KATNBL1: variants seen among roughly 807,000 people sequenced by gnomAD.
The protein encoded by KATNBL1 is katanin regulatory subunit B1 like 1, also known as KATNB1-like protein 1.
KATNBL1 carries 28 observed loss-of-function variants against 44.7 expected under a neutral mutation model. The ratio of observed to expected loss-of-function variants is 0.63; its 90% CI spans 0.46 to 0.86. The LOEUF (loss-of-function observed/expected upper bound fraction) is 0.86. Ranked by LOEUF, KATNBL1 falls within the 40% of genes least tolerant of loss-of-function variation. The pLI, the probability that KATNBL1 is intolerant of heterozygous loss-of-function variation, is 0.00. For missense variants in KATNBL1, 272 were observed against 350.7 expected, an observed-to-expected ratio of 0.78 and a Z score of 1.79; for synonymous variants, 78 against 114.9, an observed-to-expected ratio of 0.68 and a Z score of 2.06.
At chr15:34,147,465 A>C (rs916106090) in intron 5 of KATNBL1, 35 bp from the exon 6 acceptor site, 5 of 1,523,638 alleles carry the variant, frequency 3.3e-6, no homozygotes, top group Non-Finnish European at 4.5e-6. Flanking sequence ...TGCCTTAGAG[A>C]GCTGATTTCC....
At chr15:34,201,060 C>T (rs1890166173) in intron 1 of KATNBL1, among the ~76,000 whole-genome samples, 1 of 152,136 alleles carries the variant, frequency 6.6e-6, no homozygotes, top group Non-Finnish European at 1.5e-5. Flanking sequence ...CGTGATCTGC[C>T]CTCCTCGGCC....
chr15:34,156,259 G>A (rs1406033393), intron 2 of KATNBL1, among the ~76,000 whole-genome samples: 1 of 152,210 alleles, frequency 6.6e-6, no homozygotes, highest in Non-Finnish European at 1.5e-5. Context: ...GAAGCTGGAT[G>A]GCCCTCGGGG....
intron 1 of KATNBL1, among the ~76,000 whole-genome samples, chr15:34,188,719 C>G (rs1370479908): frequency 6.6e-6 from 1 of 152,190 alleles, no homozygotes; most frequent in African/African-American, 2.4e-5. Flanking sequence ...TTCTTATGAA[C>G]GCATCAGCCT....
At chr15:34,150,391 C>T (rs1316682512) in intron 4 of KATNBL1, among the ~76,000 whole-genome samples, 2 of 152,104 alleles carry the variant, frequency 1.3e-5, no homozygotes, top group African/African-American at 2.4e-5. Flanking sequence ...CTCAGTAGTT[C>T]GAGACCAACC....
intron 1 of KATNBL1, among the ~76,000 whole-genome samples, chr15:34,203,017 C>T (rs1422998290): frequency 1.3e-4 from 19 of 151,930 alleles, no homozygotes; most frequent in Admixed American, 1.2e-3. Flanking sequence ...TAAATAAAAT[C>T]TCTCATCATA....
chr15:34,177,967 A>G (rs1413766238), intron 1 of KATNBL1: 1 of 152,228 alleles, frequency 6.6e-6, no homozygotes, highest in Non-Finnish European at 1.5e-5. Context: ...GTTATCTCTC[A>G]AGAATCTTGA....
chr15:34,188,891 T>C (rs1889798229), intron 1 of KATNBL1, among the ~76,000 whole-genome samples: 1 of 152,178 alleles, frequency 6.6e-6, no homozygotes, highest in Non-Finnish European at 1.5e-5. Context: ...AGCAAAACAA[T>C]TAATGACAAA....
intron 1 of KATNBL1, among the ~76,000 whole-genome samples, chr15:34,206,660 G>A (rs2141011084): frequency 6.6e-6 from 1 of 152,120 alleles, no homozygotes; most frequent in Admixed American, 6.5e-5. Context: ...GCGTGGTGGT[G>A]GGTGCTTGTA....
At chr15:34,155,975 A>G (rs1310570111) in intron 2 of KATNBL1, among the ~76,000 whole-genome samples, 1 of 152,100 alleles carries the variant, frequency 6.6e-6, no homozygotes, top group African/African-American at 2.4e-5. Context: ...GCTTTATGAC[A>G]TTGTGTTTTT....
At chr15:34,188,668 C>T (rs1228503017) in intron 1 of KATNBL1, among the ~76,000 whole-genome samples, 1 of 152,196 alleles carries the variant, frequency 6.6e-6, no homozygotes, top group Non-Finnish European at 1.5e-5. Flanking sequence ...TAGTTCTGTC[C>T]ATGCAATCAG....
chr15:34,153,345 C>T (rs1415465931), intron 3 of KATNBL1, among the ~76,000 whole-genome samples: 1 of 152,046 alleles, frequency 6.6e-6, no homozygotes, highest in African/African-American at 2.4e-5. Flanking sequence ...ATATTAAAGG[C>T]CATTCTGGGA....
At chr15:34,185,914 G>A (rs1332729282) in intron 1 of KATNBL1, among the ~76,000 whole-genome samples, 2 of 152,152 alleles carry the variant, frequency 1.3e-5, no homozygotes, top group African/African-American at 4.8e-5. Flanking sequence ...GATCTGGTAC[G>A]TTTTAGTTCC....
At chr15:34,160,851 G>A (rs183913911) in intron 2 of KATNBL1, among the ~76,000 whole-genome samples, 38 of 151,888 alleles carry the variant, frequency 2.5e-4, no homozygotes, top group Middle Eastern at 3.4e-3. Flanking sequence ...TTGCCTTCCC[G>A]ACTACTGGAG....
At chr15:34,188,683 T>C (rs1267524316) in intron 1 of KATNBL1, among the ~76,000 whole-genome samples, 1 of 152,270 alleles carries the variant, frequency 6.6e-6, no homozygotes. Flanking sequence ...AATCAGCTCC[T>C]GCTCTGCTTC....
intron 1 of KATNBL1, among the ~76,000 whole-genome samples, chr15:34,191,344 T>C (rs949267376): frequency 2.6e-5 from 4 of 151,954 alleles, no homozygotes; most frequent in African/African-American, 9.7e-5. Flanking sequence ...CACCTACTGA[T>C]GGACATTTGG....
At chr15:34,169,966 T>C (rs1490324137) in intron 1 of KATNBL1, among the ~76,000 whole-genome samples, 1 of 152,054 alleles carries the variant, frequency 6.6e-6, no homozygotes, top group East Asian at 1.9e-4. Flanking sequence ...TTTATGACAA[T>C]CCCACAGCCA....
In KATNBL1 at chr15:34,145,450, T is replaced by G. The variant is rs749891311; in HGVS notation, c.830A>C (p.Glu277Ala). The G allele has an allele frequency of 6.8e-7, 1 of 1,464,800 alleles. No individual in the cohort carries two copies. The highest frequency in any genetic ancestry group is 1.6e-5 in the South Asian group (1 of 62,998). The allele number at this position is 1,464,800 out of a possible 1,614,324, so 90.7% of individuals were successfully genotyped here. ...AACCAAAGTAAGATGGTTTTCCTGT[T>G]CCCATAATCCACTTAATTGTTGTTT... ...ILKQQLSGLW[E>A]QENHLTLVPG... The change falls in exon 9 of 10, where the codon GAA becomes GCA. Residue 277 changes from glutamate (E) to alanine (A), a missense_variant. By Grantham distance (107) the Glu-to-Ala change is moderately radical. This residue lies in a region of KATNBL1 where 39 missense variants were observed against 76.3 expected (regional missense o/e 0.51). Coordinates refer to ENST00000256544, the MANE Select transcript of KATNBL1 (RefSeq NM_024713.3).
intron 1 of KATNBL1, chr15:34,208,667 T>C (rs548380399): frequency 9.2e-5 from 14 of 152,376 alleles, no homozygotes; most frequent in African/African-American, 3.1e-4. Flanking sequence ...ACTCCATTTA[T>C]CTTAAAATAG....
At chr15:34,208,487 A>G (rs1890350993) in intron 1 of KATNBL1, 1 of 152,258 alleles carries the variant, frequency 6.6e-6, no homozygotes, top group Non-Finnish European at 1.5e-5. Flanking sequence ...AAGTATAACC[A>G]TTTCAAGTAC....
Sources: gnomAD v4.1 joint callset for allele counts (sites outside exome capture counted in the v4.1 genomes callset) on GRCh38, gnomAD v4.1.1 for gene constraint, gnomAD v4.1.1 regional missense constraint, MANE v1.5 for transcripts, NCBI Gene and HGNC (gene_info 2026-07-23, HGNC 2026-07-21) for gene names.